The following HCN3 variants were observed in gnomAD, a reference collection of about 807,000 sequenced individuals.
HCN3 encodes the protein potassium/sodium hyperpolarization-activated cyclic nucleotide-gated channel 3.
HCN3 carries 36 observed loss-of-function variants against 56.8 expected under a neutral mutation model. The observed-to-expected ratio is 0.63, with a 90% CI of 0.49 to 0.84. HCN3 has a LOEUF of 0.84. HCN3 is among the 40% of genes least tolerant of loss of function. The pLI, the probability that HCN3 is intolerant of heterozygous loss-of-function variation, is 0.00. For missense variants in HCN3, 930 were observed against 1,079.3 expected (o/e 0.86, Z 1.94); for synonymous variants, 425 against 439.7 (o/e 0.97, Z 0.42).
chr1:155,277,562 A>G lies in HCN3; in HGVS notation c.-29A>G. Reference sequence around the variant, plus strand: ...CCTGATGGCCACAGAGGGCTCTAGGAGGCCGAGCGTGTAAGCGGGGTGGGC... The same window carrying G: ...CCTGATGGCCACAGAGGGCTCTAGGGGGCCGAGCGTGTAAGCGGGGTGGGC... On this transcript the variant is annotated 5_prime_UTR_variant, in exon 1 of 8. Coordinates refer to ENST00000368358, the MANE Select transcript of HCN3 (RefSeq NM_020897.3). 4 of 1,547,066 alleles carry G rather than the reference A, an allele frequency of 2.6e-6. No homozygotes were observed. The highest frequency in any genetic ancestry group is 3.5e-6 in the Non-Finnish European group (4 of 1,148,318).
At position 155,282,921 on chromosome 1, in the gene HCN3, T is replaced by G; in HGVS notation, c.708+81T>G. The G allele has an allele frequency of 7.3e-7, 1 of 1,365,696 alleles. No individual in the cohort carries two copies. The highest frequency in any genetic ancestry group is 9.9e-7 in the Non-Finnish European group (1 of 1,007,416). The allele number at this position is 1,365,696 out of a possible 1,614,324, so 84.6% of individuals were successfully genotyped here. ...GGGCGGGGCGGCTGGTGGACTTCTC[T>G]AGGAAGATGCTATGGGTGGGGCTCC... is the stretch of plus-strand genomic sequence containing the variant. On this transcript the variant is annotated intron_variant, in intron 2 of 7. Coordinates refer to ENST00000368358, the MANE Select transcript of HCN3 (RefSeq NM_020897.3). This position sits in a 1 kb window ranked among gnomAD's most constrained non-coding sequence, Gnocchi z 4.7.
Position 155,285,935 on chromosome 1 carries a change from C to A in HCN3, c.1448C>A (p.Thr483Lys), listed in dbSNP as rs1003605187. The A allele has an allele frequency of 3.1e-6, 5 of 1,598,944 alleles. No individual in the cohort carries two copies. Among genetic ancestry groups the A allele is most frequent in the Non-Finnish European group, 4.3e-6 (5 of 1,169,054 alleles). ...GTGCTGGCCCGCGGCGCCCGGGACACACGCCTCACCGATGGATCCTACTTT... is the reference window on the plus strand; with the variant it reads ...GTGCTGGCCCGCGGCGCCCGGGACAAACGCCTCACCGATGGATCCTACTTT... ...LSVLARGARD[T>K]RLTDGSYFGE... Residue 483 changes from threonine (T) to lysine (K), a missense_variant, in exon 6 of 8, where the codon ACA becomes AAA. Transcript: ENST00000368358. This position sits in a 1 kb window ranked among gnomAD's most constrained non-coding sequence, Gnocchi z 4.5.
chr1:155,277,842 G>A lies in HCN3; in HGVS notation c.252G>A (p.Trp84Ter), dbSNP rs751769198. The A allele has an allele frequency of 6.2e-7, 1 of 1,612,206 alleles. No individual in the cohort carries two copies. Among genetic ancestry groups the A allele is most frequent in the Non-Finnish European group, 8.5e-7 (1 of 1,179,970 alleles). ...AGCGGGTGAAGTCAGCGGGGGCCTG[G>A]ATCATCCACCCCTACAGCGACTTCC... The part of the protein sequence containing the change: ...EQERVKSAGA[W>*]IIHPYSDFRF... The change falls in exon 1 of 8, where the codon TGG becomes TGA. Residue 84 changes from tryptophan (W) to a stop codon, truncating the protein, a stop_gained. Coordinates refer to ENST00000368358, the MANE Select transcript of HCN3 (RefSeq NM_020897.3). LOFTEE classifies it high-confidence loss of function.
At position 155,288,545 on chromosome 1, in the gene HCN3, G is replaced by A. The variant is rs1674400008; in HGVS notation, c.*82G>A. 2.7e-6 allele frequency: 4 copies of A among 1,491,598 alleles called. No individual in the cohort carries two copies. Among genetic ancestry groups the A allele is most frequent in the Non-Finnish European group, 3.6e-6 (4 of 1,113,630 alleles). The allele number at this position is 1,491,598 out of a possible 1,614,324, so 92.4% of individuals were successfully genotyped here. ...CAGATGCCTCTTGGGGAAGGCCATG[G>A]GGACCTGAAACATTGCCCCATGGAA... On this transcript the variant is annotated 3_prime_UTR_variant, in exon 8 of 8. Transcript: ENST00000368358. The surrounding 1 kb of genome is among the most constrained non-coding windows in gnomAD (Gnocchi z 6.5).
At chr1:155,279,755 G>C (rs2148166256) in intron 1 of HCN3, among the ~76,000 whole-genome samples, 1 of 152,232 alleles carries the variant, frequency 6.6e-6, no homozygotes, top group Middle Eastern at 3.4e-3. Flanking sequence ...ATACCAACTA[G>C]TGCCTGTACC....
At position 155,288,397 on chromosome 1, in the gene HCN3, GC is replaced by G. The variant is rs777897328; in HGVS notation, c.2265del (p.Arg756GlyfsTer28). 1.2e-6 allele frequency: 2 copies of G among 1,613,276 alleles called. No homozygotes were observed. Among genetic ancestry groups the G allele is most frequent in the Non-Finnish European group, 1.7e-6 (2 of 1,179,720 alleles). On this transcript the variant is annotated frameshift_variant, in exon 8 of 8. Coordinates refer to ENST00000368358, the MANE Select transcript of HCN3 (RefSeq NM_020897.3). LOFTEE classifies it high-confidence loss of function. This position sits in a 1 kb window ranked among gnomAD's most constrained non-coding sequence, Gnocchi z 6.5. ...LLAKPPRTAQ[P>X]PRPPVPEPAT... ...TGGCCAAACCTCCAAGGACAGCCCA[GC>G]CCCCCAGGCCACCAGTGCCTGAGCC...
At chr1:155,281,400 C>T (rs1160707276) in intron 1 of HCN3, among the ~76,000 whole-genome samples, 3 of 148,404 alleles carry the variant, frequency 2.0e-5, no homozygotes, top group Non-Finnish European at 4.5e-5. Context: ...CAGAGTCTCA[C>T]TGTTGTCACC....
chr1:155,288,315 A>G lies in HCN3; in HGVS notation c.2177A>G (p.Asp726Gly). Reference protein sequence around the residue: ...QPSLPQRATGDGSPGRKGSGS... With the variant: ...QPSLPQRATGGGSPGRKGSGS... Reference sequence around the variant, plus strand: ...TCTCTGCCTCAGCGGGCAACAGGCGATGGCTCTCCTGGGCGTAAGGGATCA... The same window carrying G: ...TCTCTGCCTCAGCGGGCAACAGGCGGTGGCTCTCCTGGGCGTAAGGGATCA... The change falls in exon 8 of 8, where the codon GAT becomes GGT. Residue 726 changes from aspartate (D) to glycine (G), a missense_variant. Physicochemically the swap from Asp to Gly is moderately conservative, Grantham distance 94. Transcript: ENST00000368358. The surrounding 1 kb of genome is among the most constrained non-coding windows in gnomAD (Gnocchi z 6.5). The G allele has an allele frequency of 6.2e-7, 1 of 1,613,444 alleles. No individual in the cohort carries two copies. Among genetic ancestry groups the G allele is most frequent in the Non-Finnish European group, 8.5e-7 (1 of 1,179,890 alleles).
Position 155,280,670 on chromosome 1 carries a change from C to G in HCN3, c.279-1741C>G, listed in dbSNP as rs187684266. ...AGCCAGGATGGTCTCAATCTCCTGA[C>G]CTTGTGATCTGCCCACCTTGGCCTC... On this transcript the variant is annotated intron_variant, in intron 1 of 7. Coordinates refer to ENST00000368358, the MANE Select transcript of HCN3 (RefSeq NM_020897.3). Among the ~76,000 whole-genome samples, 1,383 of 150,350 alleles carry G rather than the reference C, an allele frequency of 9.2e-3. 9 individuals carry two copies. Among genetic ancestry groups the G allele is most frequent in the Middle Eastern group, 0.021 (6 of 286 alleles).
chr1:155,283,943 G>A (rs1162373068), intron 2 of HCN3, 31 bp from the exon 3 acceptor site: 1 of 1,598,748 alleles, frequency 6.3e-7, no homozygotes, highest in South Asian at 1.1e-5. Flanking sequence ...AGGGGTTCCT[G>A]TCCACAGCAG....
At chr1:155,279,907 G>T (rs7554780) in intron 1 of HCN3, among the ~76,000 whole-genome samples, 58,680 of 151,882 alleles carry the variant, frequency 0.39, 13,425 homozygotes, top group East Asian at 0.7. Flanking sequence ...TATGTATGTA[G>T]ATGGAAGAGT....
At position 155,288,171 on chromosome 1, in the gene HCN3, C is replaced by A. The variant is rs1256917275; in HGVS notation, c.2033C>A (p.Thr678Asn). The A allele has an allele frequency of 6.3e-7, 1 of 1,578,694 alleles. No homozygotes were observed. The highest frequency in any genetic ancestry group is 8.6e-7 in the Non-Finnish European group (1 of 1,167,502). ...TSRLPAPPAR[T>N]LHASLSRAGR... is the part of the protein sequence containing the mutation. ...CGCCTGCCCGCCCCACCTGCCCGAA[C>A]CCTGCACGCCAGCCTATCCCGGGCA... The change falls in exon 8 of 8, where the codon ACC (threonine) becomes AAC (asparagine). Residue 678 changes from threonine to asparagine, a missense_variant. By Grantham distance (65) the Thr-to-Asn change is moderately conservative (BLOSUM62 0). Transcript: ENST00000368358. This position sits in a 1 kb window ranked among gnomAD's most constrained non-coding sequence, Gnocchi z 6.5.
rs1351562085 is a variant in HCN3, at chr1:155,285,798, C to T, written c.1311C>T (p.Val437=). ...PLFAHADPSF[V]TAVLTKLRFE... ...TTGCCCATGCCGACCCCAGCTTCGTCACTGCAGTTCTCACCAAGCTGCGCT... is the reference window on the plus strand; with the variant it reads ...TTGCCCATGCCGACCCCAGCTTCGTTACTGCAGTTCTCACCAAGCTGCGCT... Residue 437 remains valine, a synonymous_variant, in exon 6 of 8, where the codon GTC becomes GTT. Coordinates refer to ENST00000368358, the MANE Select transcript of HCN3 (RefSeq NM_020897.3). This position sits in a 1 kb window ranked among gnomAD's most constrained non-coding sequence, Gnocchi z 4.5. The T allele has an allele frequency of 1.2e-6, 2 of 1,614,224 alleles. No homozygotes were observed. The highest frequency in any genetic ancestry group is 2.2e-5 in the East Asian group (1 of 44,878).
rs148893391 is a variant in HCN3, at chr1:155,287,901, G to A, written c.1763G>A (p.Arg588Gln). Residue 588 changes from arginine to glutamine, a missense_variant, in exon 8 of 8, where the codon CGG (arginine) becomes CAG (glutamine). Physicochemically the swap from Arg to Gln is conservative, Grantham distance 43. Coordinates refer to ENST00000368358, the MANE Select transcript of HCN3 (RefSeq NM_020897.3). ...DRDMARGVRG[R>Q]APSTGAQLSG... ...GACATGGCTCGGGGTGTTCGGGGTCGGGCCCCGAGCACAGGAGCTCAGCTT... is the reference window on the plus strand; with the variant it reads ...GACATGGCTCGGGGTGTTCGGGGTCAGGCCCCGAGCACAGGAGCTCAGCTT... 1,519 of 1,613,912 alleles carry A rather than the reference G, an allele frequency of 9.4e-4. 4 individuals carry two copies. The highest frequency in any genetic ancestry group is 1.1e-3 in the Non-Finnish European group (1,342 of 1,179,998).
At chr1:155,277,920 G>T (rs946234258) in intron 1 of HCN3, 52 bp downstream of exon 1, 8 of 1,573,012 alleles carry the variant, frequency 5.1e-6, no homozygotes, top group Non-Finnish European at 6.9e-6. Flanking sequence ...ACCCTCGCGG[G>T]CAGCGACACC....
rs930523199 is a variant in HCN3 at position 155,288,605 on chromosome 1, A to G, written c.*142A>G. 5.8e-6 allele frequency: 6 copies of G among 1,037,782 alleles called. No homozygotes were observed. In the African/African-American group the frequency reaches 8.0e-5, roughly 14 times the overall value. 64.3% of individuals were successfully genotyped at this position (1,037,782 alleles called of 1,614,324 possible). ...CTGTGCGGACATTCCGCATACTGCC[A>G]TGAAGACGGTCTCTGTGTCCTCAGC... On this transcript the variant is annotated 3_prime_UTR_variant, in exon 8 of 8. Transcript: ENST00000368358. The surrounding 1 kb of genome is among the most constrained non-coding windows in gnomAD (Gnocchi z 6.5).
intron 1 of HCN3, among the ~76,000 whole-genome samples, chr1:155,280,780 G>GTTT (rs1674011051): frequency 4.0e-5 from 3 of 74,718 alleles, no homozygotes; most frequent in African/African-American, 1.7e-4. Context: ...TTGAGACAGA[G>GTTT]TTTCACTCTT....
rs1385790782 is a variant in HCN3, at chr1:155,287,316, A to G, written c.1621A>G (p.Met541Val). The G allele has an allele frequency of 1.9e-6, 3 of 1,613,878 alleles. No individual in the cohort carries two copies. In the Admixed American group the frequency reaches 5.0e-5, roughly 27 times the overall value. The change falls in exon 7 of 8, where the codon ATG (methionine) becomes GTG (valine). Residue 541 changes from methionine to valine, a missense_variant. Met to Val is a conservative substitution (Grantham distance 21, BLOSUM62 1). Coordinates refer to ENST00000368358, the MANE Select transcript of HCN3 (RefSeq NM_020897.3). ...MMRRAFETVAMDRLLRIGKKN... is the reference protein window; with the variant it reads ...MMRRAFETVAVDRLLRIGKKN... ...GCGCCGGGCCTTTGAGACTGTGGCC[A>G]TGGATCGGCTGCTCCGCATCGGTGA...
intron 6 of HCN3, among the ~76,000 whole-genome samples, chr1:155,286,210 A>T (rs1488289597): frequency 6.6e-6 from 1 of 152,006 alleles, no homozygotes; most frequent in African/African-American, 2.4e-5. Context: ...CAGTGGCGCA[A>T]TCTCGGCTCA....
Sources: allele counts gnomAD v4.1 joint callset (sites outside exome capture counted in the v4.1 genomes callset), GRCh38; gene constraint gnomAD v4.1.1; non-coding constraint Gnocchi (gnomAD v3.1); transcripts MANE v1.5; gene names NCBI Gene and HGNC (gene_info 2026-07-23, HGNC 2026-07-21).